The following POLN variants were observed in gnomAD, a reference collection of about 807,000 sequenced individuals.
POLN encodes the protein DNA polymerase N.
POLN carries 108 observed loss-of-function variants against 113.5 expected under a neutral mutation model. The observed-to-expected ratio is 0.95, with a 90% CI of 0.81 to 1.12. The LOEUF (loss-of-function observed/expected upper bound fraction) is 1.12, where lower values mean the gene tolerates loss of function less well. Ranked by LOEUF, POLN falls within the 50% of genes most tolerant of loss-of-function variation. The pLI is 0.00. For missense variants in POLN, 1,097 were observed against 1,077.1 expected (o/e 1.02, Z -0.26); for synonymous variants, 386 against 391.5 (o/e 0.99, Z 0.17).
At chr4:2,190,789 A>G (rs1733420319) in intron 7 of POLN, among the ~76,000 whole-genome samples, 1 of 152,216 alleles carries the variant, frequency 6.6e-6, no homozygotes, top group South Asian at 2.1e-4. Flanking sequence ...ATCACTAATC[A>G]TAAGAAAAAT....
intron 5 of POLN, 30 bp from the exon 6 acceptor site, chr4:2,198,747 C>A (rs772151264): frequency 1.7e-5 from 27 of 1,546,212 alleles, no homozygotes; most frequent in South Asian, 8.5e-5. Context: ...TAAATTAAAC[C>A]CAGACAACAT....
intron 11 of POLN, 47 bp from the exon 12 acceptor site, chr4:2,171,228 T>G: frequency 6.6e-7 from 1 of 1,525,688 alleles, no homozygotes; most frequent in Middle Eastern, 1.7e-4. Context: ...GTTTTCACAA[T>G]TTAAGATTGT....
intron 15 of POLN, 113 bp downstream of exon 15, chr4:2,157,745 A>G (rs1732471653): frequency 2.2e-6 from 1 of 456,024 alleles, no homozygotes. Context: ...AAAAAAAAAA[A>G]AGAATATTTA....
At chr4:2,215,856 A>G (rs1734101006) in intron 3 of POLN, among the ~76,000 whole-genome samples, 1 of 152,102 alleles carries the variant, frequency 6.6e-6, no homozygotes, top group African/African-American at 2.4e-5. Context: ...TGCAAATTAC[A>G]TTCATCTCCC....
At chr4:2,140,642 G>T (rs929441785) in intron 16 of POLN, among the ~76,000 whole-genome samples, 12 of 152,048 alleles carry the variant, frequency 7.9e-5, no homozygotes, top group Non-Finnish European at 2.9e-5. Context: ...CAGCTACTCA[G>T]GAGGCTGAGG....
At chr4:2,097,211 G>A (rs774151324) in intron 19 of POLN, among the ~76,000 whole-genome samples, 10 of 152,188 alleles carry the variant, frequency 6.6e-5, no homozygotes, top group African/African-American at 1.4e-4. Flanking sequence ...CCAGACTGGT[G>A]AGAATAAATA....
intron 7 of POLN, among the ~76,000 whole-genome samples, chr4:2,185,407 G>C (rs1409826920): frequency 6.6e-6 from 1 of 152,222 alleles, no homozygotes; most frequent in Non-Finnish European, 1.5e-5. Context: ...AAGAGTGTAA[G>C]ACAGAGGAAG....
At chr4:2,145,160 G>A (rs1732104635) in intron 16 of POLN, among the ~76,000 whole-genome samples, 1 of 151,830 alleles carries the variant, frequency 6.6e-6, no homozygotes, top group Non-Finnish European at 1.5e-5. Flanking sequence ...AATGTAAAAA[G>A]TAACTTTATT....
rs1735004772 is a variant in POLN, at chr4:2,241,923, G to A, written c.-284+128C>T. The A allele has an allele frequency of 9.1e-6, 9 of 985,412 alleles. 1 individual carries two copies. The Admixed American group carries it at 4.3e-4, about 47-fold the overall frequency. 61.0% of individuals were successfully genotyped at this position (985,412 alleles called of 1,614,324 possible). On this transcript the variant is annotated intron_variant, in intron 1 of 25. Coordinates refer to ENST00000511885, the MANE Select transcript of POLN (RefSeq NM_181808.4). ...ACCGGGCCCTGATCCCCGGGCAGCT[G>A]CTGGAGCACCTGGAAGGAGCCCCCA...
At chr4:2,170,563 C>A in intron 13 of POLN, 116 bp downstream of exon 13, 1 of 846,276 alleles carries the variant, frequency 1.2e-6, no homozygotes, top group Non-Finnish European at 1.9e-6. Flanking sequence ...TCTGCAGAAA[C>A]TGCTGCCAGC....
chr4:2,242,037 C>T lies in POLN; in HGVS notation c.-284+14G>A. ...CACACCCCTGCGCCCAGAACCGAGG[C>T]CCGCGTCAGTCACCTCAGGAAGTTC... On this transcript the variant is annotated intron_variant, in intron 1 of 25. Transcript: ENST00000511885. 2 of 985,624 alleles carry T rather than the reference C, an allele frequency of 2.0e-6. No homozygotes were observed. Among genetic ancestry groups the T allele is most frequent in the Non-Finnish European group, 2.4e-6 (2 of 830,050 alleles). 61.1% of individuals were successfully genotyped at this position (985,624 alleles called of 1,614,324 possible). A position where few individuals can be genotyped will look rare whatever the true frequency, so the allele number is the denominator to read the frequency against.
intron 2 of POLN, chr4:2,232,074 T>C: frequency 6.2e-7 from 1 of 1,601,878 alleles, no homozygotes; most frequent in Non-Finnish European, 8.5e-7. Context: ...TTTTTCTTTT[T>C]GTCTTCACAT....
intron 13 of POLN, among the ~76,000 whole-genome samples, chr4:2,166,598 G>A (rs1314866227): frequency 6.6e-6 from 1 of 152,154 alleles, no homozygotes; most frequent in Non-Finnish European, 1.5e-5. Context: ...GCGTCAATGT[G>A]GGCAGGGACT....
intron 6 of POLN, among the ~76,000 whole-genome samples, chr4:2,195,954 T>G (rs895192134): frequency 6.6e-6 from 1 of 152,118 alleles, no homozygotes; most frequent in African/African-American, 2.4e-5. Context: ...AAGGGAAAGT[T>G]TGGGGGAGAA....
intron 19 of POLN, among the ~76,000 whole-genome samples, chr4:2,115,228 A>ATATTTT (rs72052264): frequency 6.2e-5 from 8 of 129,986 alleles, no homozygotes; most frequent in African/African-American, 2.1e-4. Flanking sequence ...ATATATATAT[A>ATATTTT]TTTTTTTTTT....
In POLN at chr4:2,216,687, G is replaced by C. The variant is rs916172; in HGVS notation, c.134-3561C>G. The stretch of plus-strand genomic sequence containing the variant: ...TGACTGAATCCATGAGAATGGGAAA[G>C]GCAAACCCATGCCTGTAACGTGTGT... On this transcript the variant is annotated intron_variant, in intron 3 of 25. Coordinates refer to ENST00000511885, the MANE Select transcript of POLN (RefSeq NM_181808.4). Among the ~76,000 whole-genome samples the C allele has an allele frequency of 7.8e-3, 1,186 of 152,348 alleles. 18 individuals are homozygous for C. Among genetic ancestry groups the C allele is most frequent in the African/African-American group, 0.027 (1,126 of 41,582 alleles).
intron 16 of POLN, among the ~76,000 whole-genome samples, chr4:2,150,900 T>A (rs1732279618): frequency 6.6e-6 from 1 of 152,226 alleles, no homozygotes; most frequent in South Asian, 2.1e-4. Context: ...AAAATACTTG[T>A]GATTTTGGTT....
chr4:2,196,834 G>C (rs949878770), intron 6 of POLN, among the ~76,000 whole-genome samples: 10 of 152,142 alleles, frequency 6.6e-5, no homozygotes, highest in Non-Finnish European at 1.5e-5. Context: ...TTTACTTTTT[G>C]TTTGTTCAGA....
At chr4:2,084,058 C>G (rs933552611) in intron 21 of POLN, among the ~76,000 whole-genome samples, 85 of 152,308 alleles carry the variant, frequency 5.6e-4, no homozygotes, top group African/African-American at 1.9e-3. Flanking sequence ...TCCCAGCTGG[C>G]TCCTGAGCTT....
Sources: allele counts gnomAD v4.1 joint callset (sites outside exome capture counted in the v4.1 genomes callset), GRCh38; gene constraint gnomAD v4.1.1; transcripts MANE v1.5; gene names NCBI Gene and HGNC (gene_info 2026-07-23, HGNC 2026-07-21).